XXYLT1: variants seen among roughly 807,000 people sequenced by gnomAD.
XXYLT1 encodes the protein xyloside xylosyltransferase 1.
In XXYLT1, 20 loss-of-function variants were observed where a neutral mutation model predicts 28.9. The observed-to-expected ratio is 0.69, with a 90% CI of 0.49 to 1.00. The LOEUF (loss-of-function observed/expected upper bound fraction) is 1.00. Ranked by LOEUF, XXYLT1 falls within the 50% of genes least tolerant of loss-of-function variation. The probability of loss-of-function intolerance (pLI) is 0.00; values close to 1 mark genes in which losing one functional copy is unlikely to be tolerated. For missense variants in XXYLT1, 542 were observed against 560.1 expected, an observed-to-expected ratio of 0.97 and a Z score of 0.33; for synonymous variants, 257 against 253.8, an observed-to-expected ratio of 1.01 and a Z score of -0.12.
At chr3:195,178,268 C>A (rs1721772386) in intron 2 of XXYLT1, among the ~76,000 whole-genome samples, 2 of 152,082 alleles carry the variant, frequency 1.3e-5, no homozygotes. Flanking sequence ...CATGTAAGCC[C>A]CTGCCCACAC....
rs967675958 is a variant in XXYLT1 at position 195,205,799 on chromosome 3, G to A, written c.652+20910C>T. On this transcript the variant is annotated intron_variant, in intron 2 of 3. Transcript: ENST00000310380. ...AATCGCTTGAACCCAGGAGGTGAAGGTTGCAGTCAGCCGAGATCGTGCCAC... is the reference window on the plus strand; with the variant it reads ...AATCGCTTGAACCCAGGAGGTGAAGATTGCAGTCAGCCGAGATCGTGCCAC... Among the ~76,000 whole-genome samples, 6 of 152,134 alleles carry A rather than the reference G, an allele frequency of 3.9e-5. No homozygotes were observed. In the South Asian group the frequency reaches 6.2e-4, roughly 16 times the overall value.
chr3:195,202,537 C>T (rs535944730), intron 2 of XXYLT1, among the ~76,000 whole-genome samples: 4 of 152,234 alleles, frequency 2.6e-5, no homozygotes, highest in African/African-American at 7.2e-5. Context: ...GAAGACTTGG[C>T]CATAAGCTTT....
At chr3:195,252,692 CCACACACACACACACA>C (rs774827660) in intron 1 of XXYLT1, among the ~76,000 whole-genome samples, 1 of 84,154 alleles carries the variant, frequency 1.2e-5, no homozygotes, top group African/African-American at 4.5e-5. Flanking sequence ...AGAAAAAAAA[CCACACACACACACACA>C]CACACACACA....
chr3:195,104,808 A>C (rs942521843), intron 3 of XXYLT1, among the ~76,000 whole-genome samples: 8 of 152,274 alleles, frequency 5.3e-5, no homozygotes, highest in Non-Finnish European at 1.2e-4. Flanking sequence ...AAACAAAAAA[A>C]ACCCCACACC....
At position 195,180,001 on chromosome 3, in the gene XXYLT1, G is replaced by A. The variant is rs576305824; in HGVS notation, c.653-23420C>T. On this transcript the variant is annotated intron_variant, in intron 2 of 3. Transcript: ENST00000310380. This position sits in a 1 kb window ranked among gnomAD's most constrained non-coding sequence, Gnocchi z 5.8. ...CCAACACAGGCAGGCTCCAGGCCGG[G>A]ACTCCACACTGCAGGCAGAGTCGGG... Among the ~76,000 whole-genome samples the A allele has an allele frequency of 3.9e-5, 6 of 152,270 alleles. No homozygotes were observed. In the South Asian group the frequency reaches 1.2e-3, roughly 32 times the overall value.
Position 195,270,788 on chromosome 3 carries a change from C to T in XXYLT1, c.271G>A (p.Gly91Ser). 1.3e-6 allele frequency: 2 copies of T among 1,563,320 alleles called. No individual in the cohort carries two copies. The highest frequency in any genetic ancestry group is 2.3e-5 in the South Asian group (2 of 85,746). ...APGAKAKSLE[G>S]GGAGPVDYHL... The stretch of plus-strand genomic sequence containing the variant: ...TAGTCCACCGGCCCGGCACCGCCGC[C>T]CTCCAAGCTCTTGGCCTTCGCGCCG... Residue 91 changes from glycine (G) to serine (S), a missense_variant, in exon 1 of 4, where the codon GGC becomes AGC. Gly to Ser is a moderately conservative substitution (Grantham distance 56). Transcript: ENST00000310380.
At chr3:195,107,151 C>A (rs1404585813) in intron 3 of XXYLT1, among the ~76,000 whole-genome samples, 1 of 151,938 alleles carries the variant, frequency 6.6e-6, no homozygotes, top group African/African-American at 2.4e-5. Context: ...TTCAGCAAGA[C>A]GAAAAGCTGA....
chr3:195,103,369 G>GCGTCCATCACCCCATGCCAGCGA (rs1716904752), intron 3 of XXYLT1, among the ~76,000 whole-genome samples: 60 of 135,182 alleles, frequency 4.4e-4, no homozygotes, highest in African/African-American at 1.6e-3. Context: ...CACGCCAGCG[G>GCGTCCATCACCCCATGCCAGCGA]CCTGCGTCCA....
At chr3:195,185,503 GT>G (rs10576287) in intron 2 of XXYLT1, among the ~76,000 whole-genome samples, 61,784 of 126,046 alleles carry the variant, frequency 0.49, 14,224 homozygotes, top group East Asian at 0.56. Context: ...TTAGGGCTGG[GT>G]TTTTTTTTTT....
At chr3:195,132,970 T>C (rs912301600) in intron 3 of XXYLT1, among the ~76,000 whole-genome samples, 14 of 152,358 alleles carry the variant, frequency 9.2e-5, no homozygotes, top group East Asian at 7.7e-4. Flanking sequence ...CTAGATTTTC[T>C]GGTTAACAAG....
At chr3:195,260,511 TC>T (rs1292765727) in intron 1 of XXYLT1, among the ~76,000 whole-genome samples, 1 of 152,100 alleles carries the variant, frequency 6.6e-6, no homozygotes, top group Non-Finnish European at 1.5e-5. Flanking sequence ...GGATTCTGCC[TC>T]CCGGAGGTCG....
intron 3 of XXYLT1, among the ~76,000 whole-genome samples, chr3:195,138,693 A>G (rs1401490426): frequency 6.6e-6 from 1 of 151,960 alleles, no homozygotes; most frequent in African/African-American, 2.4e-5. Context: ...CGTCTCTACT[A>G]AAAATACAAA....
chr3:195,221,067 G>C (rs777641780), intron 2 of XXYLT1, among the ~76,000 whole-genome samples: 1 of 144,814 alleles, frequency 6.9e-6, no homozygotes, highest in Non-Finnish European at 1.5e-5. Flanking sequence ...TCTCCTCCAC[G>C]GCATTCCTCC....
At chr3:195,200,978 A>G (rs914925750) in intron 2 of XXYLT1, among the ~76,000 whole-genome samples, 1 of 152,210 alleles carries the variant, frequency 6.6e-6, no homozygotes, top group Non-Finnish European at 1.5e-5. Context: ...TTTTCTTGAA[A>G]TAACCCTGTC....
At chr3:195,243,161 G>A (rs1724851973) in intron 1 of XXYLT1, among the ~76,000 whole-genome samples, 1 of 151,958 alleles carries the variant, frequency 6.6e-6, no homozygotes, top group Non-Finnish European at 1.5e-5. Flanking sequence ...ACTGAACAAT[G>A]AGAACACTTG....
intron 3 of XXYLT1, among the ~76,000 whole-genome samples, chr3:195,073,903 C>T (rs112356173): frequency 2.3e-4 from 35 of 152,328 alleles, no homozygotes; most frequent in African/African-American, 7.5e-4. Context: ...GTTACTTCCT[C>T]GCTTCAAGTC....
intron 1 of XXYLT1, chr3:195,247,803 C>T: frequency 2.8e-6 from 2 of 702,702 alleles, no homozygotes; most frequent in Non-Finnish European, 5.2e-6. Flanking sequence ...CCTCAGGAAA[C>T]ACACAATCAC....
intron 1 of XXYLT1, among the ~76,000 whole-genome samples, chr3:195,261,575 G>C (rs1459090681): frequency 6.6e-6 from 1 of 152,238 alleles, no homozygotes; most frequent in Non-Finnish European, 1.5e-5. Context: ...AGGCACATCA[G>C]TGTACACGTC....
chr3:195,266,060 A>G (rs2108859639), intron 1 of XXYLT1, among the ~76,000 whole-genome samples: 1 of 152,318 alleles, frequency 6.6e-6, no homozygotes, highest in African/African-American at 2.4e-5. Context: ...AAGACAACAG[A>G]TGCTCAGAAG....
Sources: allele counts gnomAD v4.1 joint callset (sites outside exome capture counted in the v4.1 genomes callset), GRCh38; gene constraint gnomAD v4.1.1; non-coding constraint Gnocchi (gnomAD v3.1); transcripts MANE v1.5; gene names NCBI Gene and HGNC (gene_info 2026-07-23, HGNC 2026-07-21).